Variants in CSMD3 observed in about 807,000 individuals in gnomAD.
CSMD3 encodes the protein CUB and sushi domain-containing protein 3.
CSMD3 carries 177 observed loss-of-function variants against 435.2 expected under a neutral mutation model. That is an observed-to-expected ratio of 0.41 (90% CI 0.36 to 0.46). The LOEUF is 0.46. Ranked by LOEUF, CSMD3 falls within the 20% of genes least tolerant of loss-of-function variation. The pLI, the probability that CSMD3 is intolerant of heterozygous loss-of-function variation, is 0.34. For missense variants in CSMD3, 4,265 were observed against 4,504.6 expected, an observed-to-expected ratio of 0.95 and a Z score of 1.52; for synonymous variants, 1,656 against 1,520.5, an observed-to-expected ratio of 1.09 and a Z score of -2.07.
intron 13 of CSMD3, among the ~76,000 whole-genome samples, chr8:112,797,833 A>C (rs2078864152): frequency 6.6e-6 from 1 of 151,880 alleles, no homozygotes; most frequent in Admixed American, 6.6e-5. Flanking sequence ...TGATTTTCAC[A>C]GTACAAAAAA....
At chr8:112,984,305 C>T (rs531167264) in intron 6 of CSMD3, among the ~76,000 whole-genome samples, 1 of 151,872 alleles carries the variant, frequency 6.6e-6, no homozygotes, top group African/African-American at 2.4e-5. Flanking sequence ...AAAGAACAAA[C>T]AAAAACTGTC....
At chr8:113,428,246 ATCTATC>A (rs1563812097) in intron 1 of CSMD3, among the ~76,000 whole-genome samples, 1 of 144,910 alleles carries the variant, frequency 6.9e-6, no homozygotes, top group African/African-American at 2.5e-5. Flanking sequence ...CTATCTATCT[ATCTATC>A]TATCTATCTT....
chr8:113,110,573 A>G (rs1167058044), intron 4 of CSMD3, among the ~76,000 whole-genome samples: 3 of 151,976 alleles, frequency 2.0e-5, no homozygotes, highest in African/African-American at 7.3e-5. Flanking sequence ...ATATTTCTAC[A>G]TTTTTTTAAT....
At chr8:112,932,284 C>T (rs757681286) in intron 9 of CSMD3, among the ~76,000 whole-genome samples, 1 of 152,198 alleles carries the variant, frequency 6.6e-6, no homozygotes, top group Non-Finnish European at 1.5e-5. Context: ...CTATCATATG[C>T]AGCAACATGG....
chr8:112,985,708 G>A (rs1347905961), intron 6 of CSMD3, among the ~76,000 whole-genome samples: 1 of 152,024 alleles, frequency 6.6e-6, no homozygotes, highest in African/African-American at 2.4e-5. Context: ...ATCAGTGGTG[G>A]CATTAGATTC....
chr8:113,364,135 G>A (rs539039146), intron 1 of CSMD3, among the ~76,000 whole-genome samples: 24 of 152,146 alleles, frequency 1.6e-4, no homozygotes, highest in African/African-American at 5.8e-4. Context: ...GTGTTTTTAT[G>A]ACTATAATTG....
At chr8:112,719,466 G>T (rs1264344836) in intron 13 of CSMD3, among the ~76,000 whole-genome samples, 1 of 152,286 alleles carries the variant, frequency 6.6e-6, no homozygotes. Context: ...AGATCGGGGT[G>T]CTGGCAGCTT....
chr8:113,225,262 G>A (rs1191552788), intron 3 of CSMD3, among the ~76,000 whole-genome samples: 2 of 151,444 alleles, frequency 1.3e-5, no homozygotes, highest in African/African-American at 4.8e-5. Context: ...GGCAAAAATT[G>A]TAATTATTTC....
At chr8:113,064,705 A>G (rs535902417) in intron 5 of CSMD3, among the ~76,000 whole-genome samples, 1 of 152,344 alleles carries the variant, frequency 6.6e-6, no homozygotes, top group African/African-American at 2.4e-5. Flanking sequence ...CTCCATGTTC[A>G]GTGATAGCAG....
chr8:112,918,635 A>C (rs912675818), intron 10 of CSMD3, among the ~76,000 whole-genome samples: 7 of 151,938 alleles, frequency 4.6e-5, no homozygotes, highest in African/African-American at 1.7e-4. Flanking sequence ...CCAACAAGGG[A>C]ATAATTGTTT....
At chr8:112,388,391 A>C (rs1051521305) in intron 36 of CSMD3, among the ~76,000 whole-genome samples, 1 of 152,194 alleles carries the variant, frequency 6.6e-6, no homozygotes, top group African/African-American at 2.4e-5. Context: ...GGGTGATGCT[A>C]TCTGATCTCG....
chr8:112,510,917 T>C lies in CSMD3; in HGVS notation c.4757-4088A>G, dbSNP rs536339060. ...ATTATGTAAATAGTGAAGATGACTG[T>C]AGAGATGGATGCACAATCTAATTTG... On this transcript the variant is annotated intron_variant, in intron 28 of 70. Coordinates refer to ENST00000297405, the MANE Select transcript of CSMD3 (RefSeq NM_198123.2). Among the ~76,000 whole-genome samples the C allele has an allele frequency of 3.9e-5, 6 of 152,336 alleles. No individual in the cohort carries two copies. In the East Asian group the frequency reaches 7.7e-4, roughly 20 times the overall value.
intron 7 of CSMD3, among the ~76,000 whole-genome samples, chr8:112,973,425 T>C (rs1435553379): frequency 6.6e-6 from 1 of 151,890 alleles, no homozygotes; most frequent in Non-Finnish European, 1.5e-5. Flanking sequence ...CTTGTACCAC[T>C]AGAATGGGTT....
At chr8:112,738,942 A>G (rs561854396) in intron 13 of CSMD3, among the ~76,000 whole-genome samples, 2 of 151,732 alleles carry the variant, frequency 1.3e-5, no homozygotes, top group Non-Finnish European at 3.0e-5. Context: ...ATCTTGAAGT[A>G]TTAAGACTTT....
At chr8:112,715,626 G>A (rs761543261) in intron 13 of CSMD3, among the ~76,000 whole-genome samples, 6 of 152,078 alleles carry the variant, frequency 3.9e-5, no homozygotes, top group Non-Finnish European at 8.8e-5. Flanking sequence ...AACAAAAAAA[G>A]AAAACTTCAG....
chr8:113,008,598 T>C (rs1170762027), intron 6 of CSMD3, among the ~76,000 whole-genome samples: 1 of 151,674 alleles, frequency 6.6e-6, no homozygotes, highest in Non-Finnish European at 1.5e-5. Context: ...AAAAATACTT[T>C]TCATTACACA....
intron 64 of CSMD3, among the ~76,000 whole-genome samples, chr8:112,244,964 C>A (rs2130122909): frequency 6.6e-6 from 1 of 151,834 alleles, no homozygotes; most frequent in Admixed American, 6.6e-5. Context: ...GTTTGTCAAG[C>A]TCAGGTTTTC....
rs960026130 is a variant in CSMD3, at chr8:112,224,591, A to G, written c.*180T>C. On this transcript the variant is annotated 3_prime_UTR_variant, in exon 71 of 71. Coordinates refer to ENST00000297405, the MANE Select transcript of CSMD3 (RefSeq NM_198123.2). ...CAGCCAAATTTCTGTAAAACTCTCCATGGTAAACATGAAGAATTATGGTCC... is the reference window on the plus strand; with the variant it reads ...CAGCCAAATTTCTGTAAAACTCTCCGTGGTAAACATGAAGAATTATGGTCC... The G allele has an allele frequency of 1.1e-4, 77 of 671,652 alleles. No individual in the cohort carries two copies. Among genetic ancestry groups the G allele is most frequent in the South Asian group, 1.5e-4 (9 of 58,274 alleles). The allele number at this position is 671,652 out of a possible 1,614,324, so 41.6% of individuals were successfully genotyped here. A position where few individuals can be genotyped will look rare whatever the true frequency, so the allele number is the denominator to read the frequency against.
intron 29 of CSMD3, among the ~76,000 whole-genome samples, chr8:112,505,042 A>G (rs529242661): frequency 6.6e-6 from 1 of 152,272 alleles, no homozygotes; most frequent in Admixed American, 6.5e-5. Context: ...AATTTATAGA[A>G]GTTAACGTTC....
Sources: gnomAD v4.1 joint callset for allele counts (sites outside exome capture counted in the v4.1 genomes callset) on GRCh38, gnomAD v4.1.1 for gene constraint, MANE v1.5 for transcripts, NCBI Gene and HGNC (gene_info 2026-07-23, HGNC 2026-07-21) for gene names.